ZNF469: variants seen among roughly 807,000 people sequenced by gnomAD.
ZNF469 encodes zinc finger protein 469.
Under a neutral mutation model 1.0 loss-of-function variants are expected in ZNF469, and 1 was observed. The ratio of observed to expected loss-of-function variants is 1.00; its 90% CI spans 0.35 to 4.73. The LOEUF (loss-of-function observed/expected upper bound fraction) is 4.73, where lower values mean the gene tolerates loss of function less well. ZNF469 is among the 30% of genes most tolerant of loss of function. The pLI is 0.16. For missense variants in ZNF469, 6,100 were observed against 5,356.3 expected, an observed-to-expected ratio of 1.14 and a Z score of -4.33; for synonymous variants, 2,703 against 2,363.4, an observed-to-expected ratio of 1.14 and a Z score of -4.17.
the ZNF469 span, among the ~76,000 whole-genome samples, chr16:88,269,781 C>T: frequency 1.3e-5 from 2 of 152,176 alleles, no homozygotes; most frequent in African/African-American, 4.8e-5. Flanking sequence ...TTACTCTATT[C>T]CATGAGTTAC....
the ZNF469 span, among the ~76,000 whole-genome samples, chr16:88,205,276 C>A: frequency 1.3e-5 from 2 of 152,266 alleles, no homozygotes; most frequent in Non-Finnish European, 1.5e-5. The surrounding 1 kb of genome is among the most constrained non-coding windows in gnomAD (Gnocchi z 4.2). Flanking sequence ...CGTAGAACCA[C>A]CTGATTATGT....
In ZNF469 at chr16:88,431,110, G is replaced by A. The variant is rs1053932867; in HGVS notation, c.3640G>A (p.Glu1214Lys). 2.6e-6 allele frequency: 4 copies of A among 1,550,182 alleles called. No individual in the cohort carries two copies. The highest frequency in any genetic ancestry group is 3.9e-5 in the Admixed American group (2 of 50,994). The change falls in exon 3 of 3, where the codon GAA (glutamate) becomes AAA (lysine). Residue 1214 changes from glutamate (E) to lysine (K), a missense_variant. Transcript: ENST00000565624. ...QVPTNTETSE[E>K]TRPSLDFPQE... ...CCCCACCAACACCGAGACCTCAGAG[G>A]AAACCCGCCCGTCGCTGGACTTTCC...
chr16:88,345,499 C>A, the ZNF469 span, among the ~76,000 whole-genome samples: 1 of 152,204 alleles, frequency 6.6e-6, no homozygotes, highest in Non-Finnish European at 1.5e-5. Flanking sequence ...GGGATCTGCA[C>A]CAGGGCCCCT....
At chr16:88,355,605 C>T in the ZNF469 span, among the ~76,000 whole-genome samples, 1 of 152,206 alleles carries the variant, frequency 6.6e-6, no homozygotes, top group South Asian at 2.1e-4. Flanking sequence ...ATCGGCCTGG[C>T]TGTGAGTCCA....
intron 1 of ZNF469, among the ~76,000 whole-genome samples, chr16:88,402,845 C>T (rs1904921839): frequency 6.6e-6 from 1 of 152,162 alleles, no homozygotes; most frequent in Non-Finnish European, 1.5e-5. Flanking sequence ...CGAGACAGGC[C>T]AGGCTGGGGC....
the ZNF469 span, among the ~76,000 whole-genome samples, chr16:88,348,831 G>A: frequency 3.3e-5 from 5 of 152,246 alleles, no homozygotes; most frequent in South Asian, 2.1e-4. Flanking sequence ...TGGGGCTGTC[G>A]GGGGAATGGT....
At chr16:88,223,744 C>T in the ZNF469 span, among the ~76,000 whole-genome samples, 3 of 152,238 alleles carry the variant, frequency 2.0e-5, no homozygotes, top group Admixed American at 6.5e-5. Context: ...TCCGCTGCCT[C>T]TCATCCAGCC....
chr16:88,249,585 T>C, the ZNF469 span, among the ~76,000 whole-genome samples: 12 of 151,860 alleles, frequency 7.9e-5, no homozygotes, highest in Non-Finnish European at 1.6e-4. Context: ...TACAGGTGCC[T>C]GCCACCACGC....
chr16:88,401,761 GGGTA>G, intron 1 of ZNF469, among the ~76,000 whole-genome samples: 1 of 151,284 alleles, frequency 6.6e-6, no homozygotes, highest in East Asian at 2.0e-4. Flanking sequence ...ATGGATGGAT[GGGTA>G]GATGGATGGA....
At chr16:88,146,458 G>A in the ZNF469 span, among the ~76,000 whole-genome samples, 1 of 152,216 alleles carries the variant, frequency 6.6e-6, no homozygotes, top group South Asian at 2.1e-4. Context: ...CGGGTCTCAC[G>A]CCCCCAGGTG....
At chr16:88,401,158 C>A (rs1405640600) in intron 1 of ZNF469, among the ~76,000 whole-genome samples, 1 of 152,186 alleles carries the variant, frequency 6.6e-6, no homozygotes, top group Admixed American at 6.5e-5. Flanking sequence ...TCCCATGGGA[C>A]CCAGAGACAA....
intron 1 of ZNF469, among the ~76,000 whole-genome samples, chr16:88,395,365 GTGGATGGC>G (rs1407916803): frequency 4.7e-5 from 7 of 150,318 alleles, no homozygotes; most frequent in Admixed American, 1.3e-4. Context: ...GGATGGATGG[GTGGATGGC>G]TGGATGGCTG....
the ZNF469 span, among the ~76,000 whole-genome samples, chr16:88,244,354 T>C: frequency 4.6e-5 from 7 of 150,670 alleles, no homozygotes; most frequent in African/African-American, 1.7e-4. Context: ...GATGGGTGAA[T>C]GGGTGGATGG....
the ZNF469 span, among the ~76,000 whole-genome samples, chr16:88,115,826 C>T: frequency 3.9e-5 from 6 of 152,240 alleles, no homozygotes; most frequent in African/African-American, 1.4e-4. Context: ...CCCTTCCAGC[C>T]TCTCCCAGCT....
chr16:88,350,104 G>GC, the ZNF469 span, among the ~76,000 whole-genome samples: 19 of 152,062 alleles, frequency 1.2e-4, 1 homozygote, highest in Admixed American at 8.5e-4. Flanking sequence ...AGTTCCTCCC[G>GC]CCCCCCTTGG....
the ZNF469 span, among the ~76,000 whole-genome samples, chr16:88,270,827 C>G: frequency 0.076 from 11,535 of 152,336 alleles, 1,448 homozygotes; most frequent in African/African-American, 0.26. Context: ...CCAAGAACTT[C>G]TGGGCTTTGA....
chr16:88,173,903 C>G, the ZNF469 span, among the ~76,000 whole-genome samples: 1 of 151,712 alleles, frequency 6.6e-6, no homozygotes, highest in African/African-American at 2.4e-5. Flanking sequence ...CTCGATTAAT[C>G]TAAAAGAAGG....
the ZNF469 span, among the ~76,000 whole-genome samples, chr16:88,104,428 A>T: frequency 2.6e-5 from 4 of 151,596 alleles, no homozygotes; most frequent in Non-Finnish European, 5.9e-5. Context: ...GGCCCCTTGC[A>T]TTACCCTGGA....
At chr16:88,372,475 A>C in the ZNF469 span, among the ~76,000 whole-genome samples, 1 of 151,186 alleles carries the variant, frequency 6.6e-6, no homozygotes, top group African/African-American at 2.4e-5. Context: ...CATTACCATC[A>C]CCATGATTAC....
Sources: gnomAD v4.1 joint callset for allele counts (sites outside exome capture counted in the v4.1 genomes callset) on GRCh38, gnomAD v4.1.1 for gene constraint, Gnocchi (gnomAD v3.1) non-coding constraint, MANE v1.5 for transcripts, NCBI Gene and HGNC (gene_info 2026-07-23, HGNC 2026-07-21) for gene names.